Variants in CLMP observed in about 807,000 individuals in gnomAD.
CLMP encodes CXADR like cell adhesion molecule.
A neutral mutation model predicts 45.2 loss-of-function variants in CLMP; 27 were observed. The observed-to-expected ratio is 0.60, with a 90% CI of 0.44 to 0.82. The LOEUF (loss-of-function observed/expected upper bound fraction) is 0.82, where lower values mean the gene tolerates loss of function less well. Ranked by LOEUF, CLMP falls within the 40% of genes least tolerant of loss-of-function variation. The pLI, the probability that CLMP is intolerant of heterozygous loss-of-function variation, is 0.00. For synonymous variants in CLMP, 167 were observed against 171.4 expected (o/e 0.97, Z 0.20); for missense variants, 403 against 448.4 (o/e 0.90, Z 0.91).
intron 1 of CLMP, among the ~76,000 whole-genome samples, chr11:123,121,986 G>A (rs1020870888): frequency 6.6e-6 from 1 of 151,600 alleles, no homozygotes; most frequent in Non-Finnish European, 1.5e-5. Flanking sequence ...CAAGCAATCC[G>A]CCTGCCTACG....
chr11:123,145,403 C>G (rs1188435678), intron 1 of CLMP, among the ~76,000 whole-genome samples: 1 of 150,772 alleles, frequency 6.6e-6, no homozygotes, highest in Admixed American at 6.6e-5. Context: ...ACTTGCACGT[C>G]ACAGACTTTG....
At chr11:123,154,341 C>A (rs1356698674) in intron 1 of CLMP, among the ~76,000 whole-genome samples, 4 of 152,186 alleles carry the variant, frequency 2.6e-5, no homozygotes, top group Non-Finnish European at 5.9e-5. Flanking sequence ...TGCTAAATAG[C>A]TGTAGAACCT....
At chr11:123,136,991 T>C (rs1220904875) in intron 1 of CLMP, among the ~76,000 whole-genome samples, 1 of 152,100 alleles carries the variant, frequency 6.6e-6, no homozygotes, top group Non-Finnish European at 1.5e-5. Context: ...ACAAGGTTTG[T>C]CCTCATTCCA....
intron 1 of CLMP, among the ~76,000 whole-genome samples, chr11:123,163,074 T>G (rs1310715949): frequency 1.3e-5 from 2 of 151,644 alleles, no homozygotes; most frequent in African/African-American, 4.8e-5. Context: ...AAGGGGAGAT[T>G]AGGGCTACAG....
intron 1 of CLMP, among the ~76,000 whole-genome samples, chr11:123,120,875 C>T (rs1477379369): frequency 6.6e-6 from 1 of 151,840 alleles, no homozygotes; most frequent in Non-Finnish European, 1.5e-5. Context: ...GCTTGTAATC[C>T]CAGCACTTTG....
chr11:123,081,177 CCAA>C (rs112052679), intron 5 of CLMP, among the ~76,000 whole-genome samples: 9,569 of 151,258 alleles, frequency 0.063, 361 homozygotes, highest in Admixed American at 0.13. Flanking sequence ...CAAAAAAAAA[CCAA>C]CAACAAAAAA....
chr11:123,132,867 C>G (rs1394806846), intron 1 of CLMP, among the ~76,000 whole-genome samples: 1 of 151,970 alleles, frequency 6.6e-6, no homozygotes, highest in African/African-American at 2.4e-5. Flanking sequence ...GCAACCTCCA[C>G]CTCCCAGGCT....
At chr11:123,161,894 A>G (rs1861492471) in intron 1 of CLMP, among the ~76,000 whole-genome samples, 1 of 152,158 alleles carries the variant, frequency 6.6e-6, no homozygotes, top group South Asian at 2.1e-4. Flanking sequence ...CTAACGATGC[A>G]CTGGCTCTCA....
intron 1 of CLMP, among the ~76,000 whole-genome samples, chr11:123,128,053 AG>A (rs894391055): frequency 1.3e-5 from 2 of 148,948 alleles, no homozygotes; most frequent in African/African-American, 2.4e-5. Context: ...AAAAAAAAAA[AG>A]GTAATACATC....
chr11:123,104,928 TA>T (rs1330885907), intron 1 of CLMP, among the ~76,000 whole-genome samples: 5 of 152,218 alleles, frequency 3.3e-5, no homozygotes, highest in African/African-American at 1.2e-4. Flanking sequence ...GAATTGCAAG[TA>T]AGGGAATAGT....
At chr11:123,126,095 G>A (rs1184276207) in intron 1 of CLMP, among the ~76,000 whole-genome samples, 2 of 152,166 alleles carry the variant, frequency 1.3e-5, no homozygotes, top group African/African-American at 4.8e-5. Context: ...GGGCCAGCCT[G>A]AATATATTGC....
rs1274591818 is a variant in CLMP at position 123,073,122 on chromosome 11, A to G, written c.*352T>C. 2 of 188,358 alleles carry G rather than the reference A, an allele frequency of 1.1e-5. No individual in the cohort carries two copies. Among genetic ancestry groups the G allele is most frequent in the African/African-American group, 4.7e-5 (2 of 42,640 alleles). The allele number at this position is 188,358 out of a possible 1,614,324, so 11.7% of individuals were successfully genotyped here. A position where few individuals can be genotyped will look rare whatever the true frequency, so the allele number is the denominator to read the frequency against. On this transcript the variant is annotated 3_prime_UTR_variant, in exon 7 of 7. Coordinates refer to ENST00000448775, the MANE Select transcript of CLMP (RefSeq NM_024769.5). ...CATTTCCTCTTGAAAATTGTGAATCAAAGCACTGATACAAAATATCCCACA... is the reference window on the plus strand; with the variant it reads ...CATTTCCTCTTGAAAATTGTGAATCGAAGCACTGATACAAAATATCCCACA...
At chr11:123,178,226 G>A (rs1236947743) in intron 1 of CLMP, among the ~76,000 whole-genome samples, 1 of 152,112 alleles carries the variant, frequency 6.6e-6, no homozygotes, top group East Asian at 1.9e-4. Flanking sequence ...TAGAGCAATG[G>A]CCTCCATAGC....
chr11:123,109,063 A>C (rs951481292), intron 1 of CLMP, among the ~76,000 whole-genome samples: 12 of 150,094 alleles, frequency 8.0e-5, no homozygotes, highest in African/African-American at 2.2e-4. Flanking sequence ...CTGTCTCAAA[A>C]AAAAAAAAAA....
intron 1 of CLMP, among the ~76,000 whole-genome samples, chr11:123,131,761 A>T (rs1327676322): frequency 6.6e-6 from 1 of 151,740 alleles, no homozygotes; most frequent in Non-Finnish European, 1.5e-5. Context: ...GATTACAGGT[A>T]TGCGCCACCA....
chr11:123,081,189 A>T (rs1383424311), intron 5 of CLMP, among the ~76,000 whole-genome samples: 1 of 152,074 alleles, frequency 6.6e-6, no homozygotes, highest in Non-Finnish European at 1.5e-5. Context: ...AACAACAAAA[A>T]AAAACAGGGT....
chr11:123,177,095 TTAGAG>T (rs1861709823), intron 1 of CLMP, among the ~76,000 whole-genome samples: 1 of 152,108 alleles, frequency 6.6e-6, no homozygotes, highest in African/African-American at 2.4e-5. Flanking sequence ...TCATGAGAGC[TTAGAG>T]TAGACAGAGA....
Position 123,097,777 on chromosome 11 carries a change from A to C in CLMP, c.186+18T>G. On this transcript the variant is annotated intron_variant, in intron 2 of 6. Transcript: ENST00000448775. ...GAGGACAAGAAGGAGGAGGGACTCC[A>C]GCCAGGTGTCTACTTACCACTTTTT... is the stretch of plus-strand genomic sequence containing the variant. 6.5e-7 allele frequency: 1 copy of C among 1,548,774 alleles called. No homozygotes were observed. Among genetic ancestry groups the C allele is most frequent in the African/African-American group, 1.4e-5 (1 of 72,874 alleles).
chr11:123,165,205 C>T (rs901773641), intron 1 of CLMP, among the ~76,000 whole-genome samples: 1 of 152,144 alleles, frequency 6.6e-6, no homozygotes, highest in African/African-American at 2.4e-5. Flanking sequence ...CAAGGCATCC[C>T]CCAGGAGGGA....
Sources: allele counts gnomAD v4.1 joint callset (sites outside exome capture counted in the v4.1 genomes callset), GRCh38; gene constraint gnomAD v4.1.1; transcripts MANE v1.5; gene names NCBI Gene and HGNC (gene_info 2026-07-23, HGNC 2026-07-21).